The following RARB variants were observed in gnomAD, a reference collection of about 807,000 sequenced individuals.
The protein encoded by RARB is HBV-activated protein.
RARB carries 17 observed loss-of-function variants against 51.9 expected under a neutral mutation model. The ratio of observed to expected loss-of-function variants is 0.33; its 90% CI spans 0.22 to 0.49. The LOEUF is 0.49. Among genes scored for constraint, RARB ranks in the 20% least tolerant of loss-of-function variants. The pLI is 0.99. For synonymous variants in RARB, 215 were observed against 195.4 expected (o/e 1.10, Z -0.84); for missense variants, 369 against 550.8 (o/e 0.67, Z 3.30).
At chr3:25,087,586 A>C (rs1355313784) in intron 3 of RARB, among the ~76,000 whole-genome samples, 1 of 152,182 alleles carries the variant, frequency 6.6e-6, no homozygotes, top group Non-Finnish European at 1.5e-5. Flanking sequence ...TCAGAAGAAT[A>C]AATCAGATAA....
chr3:25,475,854 ACT>A (rs1474565154), intron 2 of RARB, among the ~76,000 whole-genome samples: 5 of 152,232 alleles, frequency 3.3e-5, no homozygotes, highest in African/African-American at 1.2e-4. Flanking sequence ...TGAGGCCCTA[ACT>A]CTTCCCATTT....
intron 5 of RARB, among the ~76,000 whole-genome samples, chr3:25,221,546 C>A (rs760216688): frequency 5.9e-5 from 9 of 152,170 alleles, no homozygotes; most frequent in Non-Finnish European, 1.2e-4. Context: ...CAAGTACTGT[C>A]AAAATTCTGC....
intron 4 of RARB, among the ~76,000 whole-genome samples, chr3:25,166,155 G>A (rs933943810): frequency 6.6e-6 from 1 of 151,956 alleles, no homozygotes; most frequent in Non-Finnish European, 1.5e-5. Flanking sequence ...GGTAAGAAAT[G>A]CCTCTTTTTG....
At chr3:25,037,365 T>TGGGGTGG (rs1198703162) in intron 2 of RARB, among the ~76,000 whole-genome samples, 2 of 151,604 alleles carry the variant, frequency 1.3e-5, no homozygotes, top group Non-Finnish European at 2.9e-5. Context: ...AGGGCAAACA[T>TGGGGTGG]GGGGTGGAGG....
At chr3:25,404,845 A>G (rs1305244937) in intron 5 of RARB, among the ~76,000 whole-genome samples, 1 of 152,088 alleles carries the variant, frequency 6.6e-6, no homozygotes, top group African/African-American at 2.4e-5. Context: ...TGAACCTCCA[A>G]CCCAGTTGTT....
At chr3:25,254,219 A>T (rs993468267) in intron 5 of RARB, among the ~76,000 whole-genome samples, 1 of 152,172 alleles carries the variant, frequency 6.6e-6, no homozygotes, top group African/African-American at 2.4e-5. Context: ...AGTGTTTCCT[A>T]TTATCCGAAA....
At chr3:25,127,544 T>C (rs1343614500) in intron 3 of RARB, among the ~76,000 whole-genome samples, 3 of 152,106 alleles carry the variant, frequency 2.0e-5, no homozygotes, top group African/African-American at 7.2e-5. Context: ...ATTTTTTGCA[T>C]CTGTTTACGT....
Position 24,839,725 on chromosome 3 carries a change from G to C in RARB, c.-459+10322G>C, listed in dbSNP as rs868005501. Among the ~76,000 whole-genome samples, 55 of 120,906 alleles carry C rather than the reference G, an allele frequency of 4.5e-4. 3 individuals are homozygous for C. The South Asian group carries it at 0.017, about 38-fold the overall frequency. 79.3% of individuals were successfully genotyped at this position (120,906 alleles called of 152,430 possible). On this transcript the variant is annotated intron_variant, in intron 1 of 11. Transcript: ENST00000383772. ...TCTCAAAAAAAAAAAAAAAAGGGGG[G>C]GGGGGTGGGGGAAGAAACAGTTTGG...
At chr3:25,571,618 A>C (rs1354315238) in intron 4 of RARB, among the ~76,000 whole-genome samples, 2 of 152,176 alleles carry the variant, frequency 1.3e-5, no homozygotes, top group Non-Finnish European at 2.9e-5. Context: ...TTCACCTGGG[A>C]GAGAAAGTGG....
intron 3 of RARB, among the ~76,000 whole-genome samples, chr3:25,520,720 G>A (rs7647611): frequency 0.14 from 22,048 of 152,176 alleles, 3,226 homozygotes; most frequent in African/African-American, 0.38. Context: ...GAACAGTCAT[G>A]TATCATATAA....
At chr3:25,345,765 A>G (rs1323201856) in intron 5 of RARB, among the ~76,000 whole-genome samples, 1 of 152,196 alleles carries the variant, frequency 6.6e-6, no homozygotes, top group East Asian at 1.9e-4. Context: ...GTAAAGCTGA[A>G]GATTGAAGTA....
At chr3:25,471,252 C>T (rs1342382437) in intron 2 of RARB, among the ~76,000 whole-genome samples, 26 of 152,116 alleles carry the variant, frequency 1.7e-4, no homozygotes, top group Admixed American at 1.6e-3. Context: ...AAACGTATGT[C>T]CTCTCTGATA....
intron 1 of RARB, among the ~76,000 whole-genome samples, chr3:24,854,311 T>A (rs1163457272): frequency 6.6e-6 from 1 of 152,214 alleles, no homozygotes; most frequent in Non-Finnish European, 1.5e-5. Context: ...TCTCAATGTG[T>A]AATCCAAGAA....
At chr3:25,373,446 G>A (rs7622538) in intron 5 of RARB, among the ~76,000 whole-genome samples, 1 of 152,032 alleles carries the variant, frequency 6.6e-6, no homozygotes, top group Non-Finnish European at 1.5e-5. Flanking sequence ...CAGACCCTTA[G>A]ACTTCTGAGA....
chr3:25,256,894 C>T (rs1024626986), intron 5 of RARB, among the ~76,000 whole-genome samples: 4 of 152,008 alleles, frequency 2.6e-5, no homozygotes, highest in African/African-American at 9.7e-5. Context: ...TTATGGAGTT[C>T]TGTCTCAGCG....
At chr3:24,830,565 C>T (rs1282503796) in intron 1 of RARB, among the ~76,000 whole-genome samples, 1 of 150,578 alleles carries the variant, frequency 6.6e-6, no homozygotes, top group African/African-American at 2.5e-5. Flanking sequence ...CACTCCCCGC[C>T]GGAGGCAAGC....
At chr3:25,537,585 A>G (rs1575497806) in intron 3 of RARB, among the ~76,000 whole-genome samples, 1 of 152,144 alleles carries the variant, frequency 6.6e-6, no homozygotes, top group South Asian at 2.1e-4. Context: ...ACATTGCCGT[A>G]TCATGAAAAT....
rs1282549569 is a variant in RARB at position 25,461,350 on chromosome 3, T to TCA, written c.306+13_306+14dup. On this transcript the variant is annotated intron_variant, in intron 2 of 7. Coordinates refer to ENST00000330688, the MANE Select transcript of RARB (RefSeq NM_000965.5). ...CCTGTGAGGGATGTAAGGTGAGTATTCACACTTCTGTGCCTGATGAACTCT... is the reference window on the plus strand; with the variant it reads ...CCTGTGAGGGATGTAAGGTGAGTATTCACACACTTCTGTGCCTGATGAACTCT... The TCA allele has an allele frequency of 6.2e-7, 1 of 1,612,666 alleles. No homozygotes were observed. The highest frequency in any genetic ancestry group is 8.5e-7 in the Non-Finnish European group (1 of 1,179,508).
intron 2 of RARB, among the ~76,000 whole-genome samples, chr3:25,490,738 A>G (rs946933190): frequency 6.6e-6 from 1 of 152,200 alleles, no homozygotes; most frequent in South Asian, 2.1e-4. Flanking sequence ...TTAAAAACTT[A>G]AAATTCATTG....
Sources: allele counts gnomAD v4.1 joint callset (sites outside exome capture counted in the v4.1 genomes callset), GRCh38; gene constraint gnomAD v4.1.1; transcripts MANE v1.5; gene names NCBI Gene and HGNC (gene_info 2026-07-23, HGNC 2026-07-21).